STXBP3: variants seen among roughly 807,000 people sequenced by gnomAD.
STXBP3 encodes syntaxin-binding protein 3.
Under a neutral mutation model 85.7 loss-of-function variants are expected in STXBP3, and 41 were observed. The ratio of observed to expected loss-of-function variants is 0.48; its 90% CI spans 0.37 to 0.62. STXBP3 has a LOEUF of 0.62. Among genes scored for constraint, STXBP3 ranks in the 20% least tolerant of loss-of-function variants. The pLI is 0.00. For synonymous variants in STXBP3, 229 were observed against 231.7 expected (o/e 0.99, Z 0.10); for missense variants, 563 against 703.1 (o/e 0.80, Z 2.25).
chr1:108,753,192 G>C (rs1319983996), intron 3 of STXBP3, 48 bp downstream of exon 3: 1 of 1,332,488 alleles, frequency 7.5e-7, no homozygotes, highest in Non-Finnish European at 1.0e-6. Flanking sequence ...AATTGGGGGA[G>C]ATCTGAGGTA....
chr1:108,799,591 A>G (rs1340386715), intron 16 of STXBP3, among the ~76,000 whole-genome samples: 2 of 152,126 alleles, frequency 1.3e-5, no homozygotes, highest in African/African-American at 4.8e-5. Context: ...CCACTTGTTA[A>G]TACTACTTGT....
At chr1:108,807,875 CCTT>C (rs1274342840) in intron 18 of STXBP3, among the ~76,000 whole-genome samples, 1 of 152,056 alleles carries the variant, frequency 6.6e-6, no homozygotes, top group African/African-American at 2.4e-5. Flanking sequence ...CCGCACCCAG[CCTT>C]CTTTTCTGTT....
chr1:108,756,627 A>G, intron 3 of STXBP3, 63 bp from the exon 4 acceptor site: 1 of 926,508 alleles, frequency 1.1e-6, no homozygotes, highest in African/African-American at 1.7e-5. Flanking sequence ...AGTAAAGTTT[A>G]TTTAAAAATT....
At chr1:108,771,267 T>C (rs984861727) in intron 6 of STXBP3, among the ~76,000 whole-genome samples, 1 of 147,914 alleles carries the variant, frequency 6.8e-6, no homozygotes, top group African/African-American at 2.5e-5. Context: ...GAAAATGAGA[T>C]TTGATTAAGG....
intron 6 of STXBP3, among the ~76,000 whole-genome samples, chr1:108,771,753 G>T: frequency 1.2e-4 from 4 of 34,160 alleles, no homozygotes; most frequent in Non-Finnish European, 2.3e-4. Flanking sequence ...AAATATATAT[G>T]ATATCTATCT....
intron 6 of STXBP3, among the ~76,000 whole-genome samples, chr1:108,764,543 G>A (rs188113001): frequency 1.1e-3 from 167 of 152,114 alleles, no homozygotes; most frequent in African/African-American, 3.8e-3. Context: ...TTTTCCCTGC[G>A]GCCTCACCAG....
At chr1:108,781,068 T>A (rs1191683422) in intron 9 of STXBP3, 1 of 152,122 alleles carries the variant, frequency 6.6e-6, no homozygotes, top group Non-Finnish European at 1.5e-5. Context: ...ATCACCTGAG[T>A]ATTGTCAGGC....
chr1:108,792,656 C>T (rs1663001562), intron 11 of STXBP3, among the ~76,000 whole-genome samples: 1 of 152,148 alleles, frequency 6.6e-6, no homozygotes, highest in South Asian at 2.1e-4. Flanking sequence ...GTATCAATCA[C>T]TTTCCTGTTT....
chr1:108,780,901 G>A (rs916179036), intron 9 of STXBP3: 3 of 151,452 alleles, frequency 2.0e-5, no homozygotes, highest in African/African-American at 7.3e-5. Context: ...CCAAGTAACT[G>A]GGACTACAAG....
intron 3 of STXBP3, among the ~76,000 whole-genome samples, chr1:108,754,445 C>T (rs921625605): frequency 6.6e-6 from 1 of 152,094 alleles, no homozygotes; most frequent in African/African-American, 2.4e-5. Flanking sequence ...TTTTTCTACT[C>T]CTGGATAAGT....
At chr1:108,778,157 G>A (rs1570761837) in intron 8 of STXBP3, among the ~76,000 whole-genome samples, 1 of 151,990 alleles carries the variant, frequency 6.6e-6, no homozygotes, top group East Asian at 1.9e-4. Context: ...AAATTAATGT[G>A]CTTAATTTTA....
intron 15 of STXBP3, among the ~76,000 whole-genome samples, chr1:108,797,073 C>A (rs1663118289): frequency 6.6e-6 from 1 of 151,992 alleles, no homozygotes; most frequent in Non-Finnish European, 1.5e-5. Flanking sequence ...TTTAGGCTCG[C>A]TGGGTATGGT....
At chr1:108,782,293 C>T in intron 9 of STXBP3, 129 bp from the exon 10 acceptor site, 1 of 655,042 alleles carries the variant, frequency 1.5e-6, no homozygotes, top group Non-Finnish European at 2.6e-6. Context: ...ATTCATTACC[C>T]CCCTAAAATA....
At chr1:108,764,341 A>T (rs974046406) in intron 6 of STXBP3, among the ~76,000 whole-genome samples, 2 of 152,096 alleles carry the variant, frequency 1.3e-5, no homozygotes, top group Non-Finnish European at 2.9e-5. Flanking sequence ...TGCTATTGTG[A>T]ATAGTGCTGC....
chr1:108,803,746 A>G (rs1048343332), intron 17 of STXBP3, among the ~76,000 whole-genome samples: 21 of 152,160 alleles, frequency 1.4e-4, no homozygotes, highest in African/African-American at 5.1e-4. Context: ...TCGGCCTCCC[A>G]AAGTGCTGGG....
At chr1:108,751,538 A>G (rs1661906628) in intron 1 of STXBP3, among the ~76,000 whole-genome samples, 1 of 152,006 alleles carries the variant, frequency 6.6e-6, no homozygotes, top group South Asian at 2.1e-4. Flanking sequence ...ACTATAATTT[A>G]TATTTTAATT....
intron 6 of STXBP3, among the ~76,000 whole-genome samples, chr1:108,765,655 A>G (rs918479419): frequency 5.0e-5 from 7 of 140,544 alleles, no homozygotes; most frequent in African/African-American, 1.6e-4. Flanking sequence ...TTTCACTGCA[A>G]CCTCCACCAG....
chr1:108,808,209 G>A (rs11102473), intron 18 of STXBP3, among the ~76,000 whole-genome samples: 2 of 151,980 alleles, frequency 1.3e-5, no homozygotes, highest in African/African-American at 4.8e-5. Flanking sequence ...GGCCTGTGTG[G>A]AATTAAGTTT....
rs1298948130 is a variant in STXBP3 at position 108,796,645 on chromosome 1, G to A, written c.1275G>A (p.Arg425=). 1.2e-6 allele frequency: 2 copies of A among 1,613,300 alleles called. No individual in the cohort carries two copies. Among genetic ancestry groups the A allele is most frequent in the Admixed American group, 1.7e-5 (1 of 59,908 alleles). ...INGTTEENLD[R]LIQNVKIENE... ...GAACTACGGAAGAAAATTTGGACAG[G>A]TTGATCCAGAATGTAAAGATAGAAA... Residue 425 remains arginine (R), a synonymous_variant, in exon 15 of 19, where the codon AGG becomes AGA. Transcript: ENST00000370008.
Sources: gnomAD v4.1 joint callset for allele counts (sites outside exome capture counted in the v4.1 genomes callset) on GRCh38, gnomAD v4.1.1 for gene constraint, MANE v1.5 for transcripts, NCBI Gene and HGNC (gene_info 2026-07-23, HGNC 2026-07-21) for gene names.